ANKRD11: variants seen among roughly 807,000 people sequenced by gnomAD.
ANKRD11 encodes ankyrin repeat domain 11, also known as ankyrin repeat domain-containing protein 11.
ANKRD11 carries 17 observed loss-of-function variants against 195.7 expected under a neutral mutation model. The ratio of observed to expected loss-of-function variants is 0.09; its 90% CI spans 0.06 to 0.13. ANKRD11 has a LOEUF of 0.13. Ranked by LOEUF, ANKRD11 falls within the 10% of genes least tolerant of loss-of-function variation. The pLI, the probability that ANKRD11 is intolerant of heterozygous loss-of-function variation, is 1.00. For missense variants in ANKRD11, 3,735 were observed against 3,566.1 expected (o/e 1.05, Z -1.21); for synonymous variants, 1,953 against 1,528.1 (o/e 1.28, Z -6.49).
At chr16:89,424,630 A>G (rs2042645155) in intron 1 of ANKRD11, among the ~76,000 whole-genome samples, 1 of 152,120 alleles carries the variant, frequency 6.6e-6, no homozygotes, top group Non-Finnish European at 1.5e-5. Flanking sequence ...AAAAAGGCCA[A>G]TCGAAAAGGT....
rs760438239 is a variant in ANKRD11 at position 89,291,033 on chromosome 16, T to A, written c.377A>T (p.Glu126Val). 5 of 1,612,290 alleles carry A rather than the reference T, an allele frequency of 3.1e-6. No homozygotes were observed. Among genetic ancestry groups the A allele is most frequent in the Non-Finnish European group, 4.2e-6 (5 of 1,179,840 alleles). The change falls in exon 5 of 13, where the codon GAG becomes GTG. Residue 126 changes from glutamate (E) to valine (V), a missense_variant. Physicochemically the swap from Glu to Val is moderately radical, Grantham distance 121 (BLOSUM62 -2). Coordinates refer to ENST00000301030, the MANE Select transcript of ANKRD11 (RefSeq NM_013275.6). The surrounding 1 kb of genome is among the most constrained non-coding windows in gnomAD (Gnocchi z 5.3). ...QVALLMQMTA[E>V]ESANSPVDTT... Reference sequence around the variant, plus strand: ...CTCACCTGGGCTGTTGGCAGACTCCTCGGCCGTCATCTGCATGAGAAGGGC... The same window carrying A: ...CTCACCTGGGCTGTTGGCAGACTCCACGGCCGTCATCTGCATGAGAAGGGC...
intron 1 of ANKRD11, among the ~76,000 whole-genome samples, chr16:89,474,945 G>A (rs1040818736): frequency 4.6e-5 from 7 of 152,180 alleles, no homozygotes; most frequent in African/African-American, 7.2e-5. Flanking sequence ...CTGCCTGGCC[G>A]GGAGCTGCCT....
intron 2 of ANKRD11, among the ~76,000 whole-genome samples, chr16:89,340,277 T>C (rs988951563): frequency 2.0e-5 from 3 of 152,204 alleles, no homozygotes; most frequent in Non-Finnish European, 4.4e-5. Context: ...CTGTTGTAAT[T>C]TTTGTTGTTG....
chr16:89,347,472 G>GT (rs1567681365), intron 2 of ANKRD11, among the ~76,000 whole-genome samples: 1 of 152,080 alleles, frequency 6.6e-6, no homozygotes, highest in Non-Finnish European at 1.5e-5. Context: ...TTAGCCGGGC[G>GT]TGGTGGCAGG....
chr16:89,277,206 T>C (rs1246118794), intron 9 of ANKRD11, among the ~76,000 whole-genome samples: 1 of 152,212 alleles, frequency 6.6e-6, no homozygotes, highest in Non-Finnish European at 1.5e-5. Context: ...GCAGGGATTC[T>C]GTGGGCCACC....
intron 1 of ANKRD11, among the ~76,000 whole-genome samples, chr16:89,484,961 C>T (rs2057557074): frequency 6.6e-6 from 1 of 152,142 alleles, no homozygotes; most frequent in Admixed American, 6.6e-5. Flanking sequence ...CCACCAGCCA[C>T]AAGGACGCTG....
intron 7 of ANKRD11, chr16:89,287,761 C>T (rs973877007): frequency 5.6e-6 from 1 of 177,788 alleles, no homozygotes. Flanking sequence ...CCCACCGGAA[C>T]AAGCCGTTTC....
rs755993617 is a variant in ANKRD11, at chr16:89,270,784, C to G, written c.7806+33G>C. ...TCACAGAACTGGGCAGCAGCCTCCC[C>G]CAGGCAGAACTGAGGGGACGCGCAA... On this transcript the variant is annotated intron_variant, in intron 12 of 12. Coordinates refer to ENST00000301030, the MANE Select transcript of ANKRD11 (RefSeq NM_013275.6). 3 of 1,607,848 alleles carry G rather than the reference C, an allele frequency of 1.9e-6. No individual in the cohort carries two copies. In the Admixed American group the frequency reaches 5.0e-5, roughly 27 times the overall value.
Position 89,274,796 on chromosome 16 carries a change from C to G in ANKRD11, c.7713+18G>C, listed in dbSNP as rs1424458385. ...CAGGCACTTGGACTCATGGGCCTGG[C>G]ATGCAGACGGGCCCTACCTGGCTCT... On this transcript the variant is annotated intron_variant, in intron 11 of 12. Coordinates refer to ENST00000301030, the MANE Select transcript of ANKRD11 (RefSeq NM_013275.6). 1 of 1,607,658 alleles carries G rather than the reference C, an allele frequency of 6.2e-7. No individual in the cohort carries two copies. The highest frequency in any genetic ancestry group is 2.2e-5 in the East Asian group (1 of 44,882).
At chr16:89,443,916 G>C (rs955629191) in intron 1 of ANKRD11, among the ~76,000 whole-genome samples, 1 of 152,184 alleles carries the variant, frequency 6.6e-6, no homozygotes, top group Non-Finnish European at 1.5e-5. Flanking sequence ...AACTACAGCT[G>C]CCGTGCCGGG....
intron 1 of ANKRD11, among the ~76,000 whole-genome samples, chr16:89,451,409 T>A (rs1433251492): frequency 8.3e-6 from 1 of 120,360 alleles, no homozygotes; most frequent in Non-Finnish European, 1.8e-5. Flanking sequence ...TTTCACAAAT[T>A]ACTTTTTTTT....
rs577524506 is a variant in ANKRD11, at chr16:89,452,267, C to CA, written c.-144-33900dup. ...AGTGAGACTCTGTCTCAAAATAAAA[C>CA]AAAAAAAACTCATTTGCAATTTAGA... On this transcript the variant is annotated intron_variant, in intron 1 of 12. Coordinates refer to ENST00000301030, the MANE Select transcript of ANKRD11 (RefSeq NM_013275.6). Among the ~76,000 whole-genome samples, 45 of 151,048 alleles carry CA rather than the reference C, an allele frequency of 3.0e-4. No homozygotes were observed. In the East Asian group the frequency reaches 5.9e-3, roughly 20 times the overall value.
At chr16:89,341,901 C>CTT in intron 2 of ANKRD11, among the ~76,000 whole-genome samples, 1 of 133,204 alleles carries the variant, frequency 7.5e-6, no homozygotes, top group South Asian at 2.3e-4. Flanking sequence ...TGCACCTCCA[C>CTT]CCACAGCGGC....
intron 2 of ANKRD11, among the ~76,000 whole-genome samples, chr16:89,332,727 T>A (rs928330614): frequency 6.6e-6 from 1 of 152,136 alleles, no homozygotes; most frequent in African/African-American, 2.4e-5. Flanking sequence ...TGCACTGCCC[T>A]CTCTGAGGAA....
chr16:89,473,246 G>C (rs2057149142), intron 1 of ANKRD11, among the ~76,000 whole-genome samples: 2 of 151,972 alleles, frequency 1.3e-5, no homozygotes, highest in Non-Finnish European at 2.9e-5. Flanking sequence ...TCAGGGAAAG[G>C]AGAGAAGGGA....
chr16:89,305,301 C>A lies in ANKRD11; in HGVS notation c.131G>T (p.Arg44Leu). 1 of 1,613,996 alleles carries A rather than the reference C, an allele frequency of 6.2e-7. No individual in the cohort carries two copies. Residue 44 changes from arginine to leucine, a missense_variant, in exon 4 of 13, where the codon CGT becomes CTT. Arg to Leu is a moderately radical substitution (Grantham distance 102). Transcript: ENST00000301030. ...VSLTKTPKLE[R>L]GDGGKEVRER... ...CCTCACCTCCTTCCCGCCATCGCCA[C>A]GCTCCAGTTTTGGGGTCTTGGTTAG...
At chr16:89,388,610 T>C (rs901852529) in intron 2 of ANKRD11, among the ~76,000 whole-genome samples, 5 of 152,058 alleles carry the variant, frequency 3.3e-5, no homozygotes, top group African/African-American at 9.7e-5. Context: ...GGAAAATATT[T>C]GCACCTGAGA....
Position 89,270,814 on chromosome 16 carries a change from G to A in ANKRD11, c.7806+3C>T, listed in dbSNP as rs759185867. On this transcript the variant is annotated splice_donor_region_variant and intron_variant, in intron 12 of 12. Coordinates refer to ENST00000301030, the MANE Select transcript of ANKRD11 (RefSeq NM_013275.6). ...CAGAACTGAGGGGACGCGCAACACC[G>A]ACCTTCATGCGGTCATACTTGTCAT... The A allele has an allele frequency of 1.1e-5, 18 of 1,613,448 alleles. No homozygotes were observed. The highest frequency in any genetic ancestry group is 2.2e-5 in the East Asian group (1 of 44,884).
intron 1 of ANKRD11, among the ~76,000 whole-genome samples, chr16:89,478,265 G>C (rs2057324722): frequency 6.6e-6 from 1 of 151,942 alleles, no homozygotes; most frequent in Non-Finnish European, 1.5e-5. Context: ...TCACATCCAG[G>C]GTCCAGGAAA....
Sources: gnomAD v4.1 joint callset for allele counts (sites outside exome capture counted in the v4.1 genomes callset) on GRCh38, gnomAD v4.1.1 for gene constraint, Gnocchi (gnomAD v3.1) non-coding constraint, MANE v1.5 for transcripts, NCBI Gene and HGNC (gene_info 2026-07-23, HGNC 2026-07-21) for gene names.